Variants in PHC2 observed in about 807,000 individuals in gnomAD.
The protein encoded by PHC2 is polyhomeotic-like protein 2.
A neutral mutation model predicts 87.4 loss-of-function variants in PHC2; 29 were observed. The observed-to-expected ratio is 0.33, with a 90% CI of 0.25 to 0.45. The LOEUF is 0.45. PHC2 is among the 20% of genes least tolerant of loss of function. The pLI, the probability that PHC2 is intolerant of heterozygous loss-of-function variation, is 1.00. For synonymous variants in PHC2, 438 were observed against 461.7 expected, an observed-to-expected ratio of 0.95 and a Z score of 0.66; for missense variants, 857 against 1,136.7, an observed-to-expected ratio of 0.75 and a Z score of 3.54.
intron 9 of PHC2, chr1:33,346,777 GAGAC>G: frequency 1.0e-6 from 1 of 985,474 alleles, no homozygotes; most frequent in East Asian, 1.1e-4. Context: ...AAGGAGGACA[GAGAC>G]TTAAGGGAAG....
rs75966049 is a variant in PHC2 at position 33,367,649 on chromosome 1, G to A, written c.664-221C>T. ...GCTGTGACTGCATCCAGCAGCAGAA[G>A]AGGCTGAGTTCTGAGAAGGACCTGC... is the stretch of plus-strand genomic sequence containing the variant. On this transcript the variant is annotated intron_variant, in intron 6 of 14. Transcript: ENST00000683057. Among the ~76,000 whole-genome samples, 114 of 152,296 alleles carry A rather than the reference G, an allele frequency of 7.5e-4. 1 individual carries two copies. The East Asian group carries it at 0.018, about 25-fold the overall frequency.
intron 1 of PHC2, among the ~76,000 whole-genome samples, chr1:33,402,060 A>G (rs77928141): frequency 2.6e-5 from 4 of 152,258 alleles, no homozygotes; most frequent in Non-Finnish European, 5.9e-5. Flanking sequence ...TCTATCACAC[A>G]TAACAAAAAG....
At chr1:33,423,903 C>T (rs986131412) in intron 1 of PHC2, among the ~76,000 whole-genome samples, 6 of 151,934 alleles carry the variant, frequency 3.9e-5, no homozygotes, top group African/African-American at 1.4e-4. Context: ...TCAACACCAC[C>T]CTGGACAACG....
rs1646920469 is a variant in PHC2, at chr1:33,349,628, G to A, written c.1558+4773C>T. On this transcript the variant is annotated intron_variant, in intron 9 of 14. Coordinates refer to ENST00000683057, the MANE Select transcript of PHC2 (RefSeq NM_001385109.1). This position sits in a 1 kb window ranked among gnomAD's most constrained non-coding sequence, Gnocchi z 4.2. ...AGGGCCCGGCTGGGCCTGGCCGGGC[G>A]GGGCCTACGCAGCCCCTCGGCCGGG... The A allele has an allele frequency of 1.0e-6, 1 of 983,492 alleles. No individual in the cohort carries two copies. Among genetic ancestry groups the A allele is most frequent in the Non-Finnish European group, 1.2e-6 (1 of 829,270 alleles). 60.9% of individuals were successfully genotyped at this position (983,492 alleles called of 1,614,324 possible). A position where few individuals can be genotyped will look rare whatever the true frequency, so the allele number is the denominator to read the frequency against.
intron 1 of PHC2, among the ~76,000 whole-genome samples, chr1:33,401,154 G>A (rs1329000169): frequency 7.2e-5 from 11 of 152,086 alleles, no homozygotes; most frequent in South Asian, 2.1e-4. Context: ...GTGAAACCCC[G>A]TCTCCACTAA....
At chr1:33,377,549 T>C (rs570329591) in intron 1 of PHC2, among the ~76,000 whole-genome samples, 1 of 152,154 alleles carries the variant, frequency 6.6e-6, no homozygotes, top group African/African-American at 2.4e-5. Flanking sequence ...TCTTTTTTTC[T>C]TTTTCCATGC....
intron 1 of PHC2, among the ~76,000 whole-genome samples, chr1:33,398,336 T>A (rs960949434): frequency 6.6e-6 from 1 of 152,238 alleles, no homozygotes; most frequent in East Asian, 1.9e-4. Flanking sequence ...TTTTGTCTAA[T>A]AGGCTTCCCC....
chr1:33,371,767 T>G (rs1195787752), intron 3 of PHC2, among the ~76,000 whole-genome samples: 1 of 152,256 alleles, frequency 6.6e-6, no homozygotes, highest in Non-Finnish European at 1.5e-5. Context: ...AATATTTTGT[T>G]TCCTTGGCTA....
chr1:33,324,822 C>T lies in PHC2; in HGVS notation c.*43G>A, dbSNP rs376969728. The T allele has an allele frequency of 5.8e-5, 91 of 1,582,206 alleles. No homozygotes were observed. The highest frequency in any genetic ancestry group is 9.4e-5 in the African/African-American group (7 of 74,382). On this transcript the variant is annotated 3_prime_UTR_variant, in exon 15 of 15. Transcript: ENST00000683057. ...GAATGTCTGTCTGGCTCTGCTCAGT[C>T]GGGAGGAGGCGCCCTGGGCCAGAAT...
chr1:33,366,992 G>GTCT, intron 7 of PHC2, 124 bp downstream of exon 7: 1 of 846,254 alleles, frequency 1.2e-6, no homozygotes, highest in African/African-American at 1.7e-5. Context: ...TAGGGAGGGA[G>GTCT]GAGAGAGAGA....
chr1:33,327,030 CAGGCT>C (rs1646386526), intron 14 of PHC2, among the ~76,000 whole-genome samples: 1 of 152,172 alleles, frequency 6.6e-6, no homozygotes, highest in South Asian at 2.1e-4. Flanking sequence ...ACTGAAAATA[CAGGCT>C]ACTTTTCACA....
intron 9 of PHC2, among the ~76,000 whole-genome samples, chr1:33,350,830 C>G (rs1646958097): frequency 6.6e-6 from 1 of 152,096 alleles, no homozygotes; most frequent in African/African-American, 2.4e-5. Flanking sequence ...TTCAACCCCC[C>G]TTTTCATTAA....
chr1:33,383,688 C>T (rs1648600530), intron 1 of PHC2, among the ~76,000 whole-genome samples: 1 of 152,224 alleles, frequency 6.6e-6, no homozygotes, highest in Non-Finnish European at 1.5e-5. Context: ...CAGCCCTGGA[C>T]TCACTGCTGT....
rs1647663928 is a variant in PHC2 at position 33,369,085 on chromosome 1, C to T, written c.577-463G>A. On this transcript the variant is annotated intron_variant, in intron 5 of 14. Coordinates refer to ENST00000683057, the MANE Select transcript of PHC2 (RefSeq NM_001385109.1). The surrounding 1 kb of genome is among the most constrained non-coding windows in gnomAD (Gnocchi z 4.7). ...AACCCAGGGCTGAGCCAAGATGAGA[C>T]TGCCCTCCAGGGGATCAAGTTCGAT... Among the ~76,000 whole-genome samples the T allele has an allele frequency of 6.6e-6, 1 of 152,198 alleles. No individual in the cohort carries two copies. Among genetic ancestry groups the T allele is most frequent in the Admixed American group, 6.5e-5 (1 of 15,292 alleles).
Position 33,334,509 on chromosome 1 carries a change from C to T in PHC2, c.1559-217G>A, listed in dbSNP as rs749344124. ...ATGAGTATAGTCAGTTCCACAACAA[C>T]GCATGCAGCTAATCAGCTAGCAGTG... On this transcript the variant is annotated intron_variant, in intron 9 of 14. Transcript: ENST00000683057. The surrounding 1 kb of genome is among the most constrained non-coding windows in gnomAD (Gnocchi z 5.5). Among the ~76,000 whole-genome samples the T allele has an allele frequency of 6.6e-6, 1 of 152,208 alleles. No homozygotes were observed. The highest frequency in any genetic ancestry group is 2.4e-5 in the African/African-American group (1 of 41,448).
At chr1:33,424,988 CTAAG>C (rs35635996) in intron 1 of PHC2, among the ~76,000 whole-genome samples, 26,097 of 152,134 alleles carry the variant, frequency 0.17, 2,738 homozygotes, top group South Asian at 0.27. Flanking sequence ...AATTCATTCA[CTAAG>C]TATTTGCTGT....
chr1:33,403,154 G>A (rs1230342985), intron 1 of PHC2, among the ~76,000 whole-genome samples: 2 of 102,700 alleles, frequency 1.9e-5, no homozygotes, highest in Non-Finnish European at 3.7e-5. Context: ...TTGAGATGGA[G>A]TCTCACCCTG....
intron 9 of PHC2, chr1:33,346,181 A>G (rs1363190427): frequency 6.1e-5 from 60 of 984,126 alleles, no homozygotes; most frequent in Non-Finnish European, 7.0e-5. Flanking sequence ...AGTAGACTGC[A>G]TAACGCAGTC....
chr1:33,355,215 G>A lies in PHC2; in HGVS notation c.1015C>T (p.Pro339Ser). ...QLQPHQLLPQ[P>S]SSKHLQPQFV... ...TGGGGCTGCAGGTGCTTTGAGGATG[G>A]CTGTGGGAGGAGCTGGTGTGGCTGC... Residue 339 changes from proline (P) to serine (S), a missense_variant, in exon 8 of 15, where the codon CCA (proline) becomes TCA (serine). Pro to Ser is a moderately conservative substitution (Grantham distance 74). Transcript: ENST00000683057. 6.3e-7 allele frequency: 1 copy of A among 1,596,764 alleles called. No individual in the cohort carries two copies. The highest frequency in any genetic ancestry group is 8.5e-7 in the Non-Finnish European group (1 of 1,170,432).
Sources: gnomAD v4.1 joint callset for allele counts (sites outside exome capture counted in the v4.1 genomes callset) on GRCh38, gnomAD v4.1.1 for gene constraint, Gnocchi (gnomAD v3.1) non-coding constraint, MANE v1.5 for transcripts, NCBI Gene and HGNC (gene_info 2026-07-23, HGNC 2026-07-21) for gene names.